ZNF827: variants seen among roughly 807,000 people sequenced by gnomAD.
The protein encoded by ZNF827 is zinc finger protein 827.
A neutral mutation model predicts 102.4 loss-of-function variants in ZNF827; 13 were observed. The observed-to-expected ratio is 0.13, with a 90% CI of 0.08 to 0.20. ZNF827 has a LOEUF of 0.20. Among genes scored for constraint, ZNF827 ranks in the 10% least tolerant of loss-of-function variants. The pLI is 1.00. For synonymous variants in ZNF827, 523 were observed against 536.2 expected (o/e 0.98, Z 0.34); for missense variants, 1,103 against 1,344.4 (o/e 0.82, Z 2.81).
At position 145,763,006 on chromosome 4, in the gene ZNF827, C is replaced by A; in HGVS notation, c.*17+84G>T. 7.5e-7 allele frequency: 1 copy of A among 1,335,946 alleles called. No homozygotes were observed. Among genetic ancestry groups the A allele is most frequent in the South Asian group, 1.3e-5 (1 of 75,568 alleles). 82.8% of individuals were successfully genotyped at this position (1,335,946 alleles called of 1,614,324 possible). ...CGCCGTTAGCCTTTGAACCTCAGCT[C>A]ACAGAAGAGTGCACACGAGAGAAAT... is the stretch of plus-strand genomic sequence containing the variant. On this transcript the variant is annotated intron_variant, in intron 14 of 14. Transcript: ENST00000508784. The surrounding 1 kb of genome is among the most constrained non-coding windows in gnomAD (Gnocchi z 4.6).
rs183597064 is a variant in ZNF827 at position 145,817,218 on chromosome 4, G to A, written c.2383+6204C>T. Reference sequence around the variant, plus strand: ...GTGTCTTTCAAGAACTACTTATGGTGACTTTTCCCTTTCCCAACTTTCACT... The same window carrying A: ...GTGTCTTTCAAGAACTACTTATGGTAACTTTTCCCTTTCCCAACTTTCACT... On this transcript the variant is annotated intron_variant, in intron 8 of 14. Coordinates refer to ENST00000508784, the MANE Select transcript of ZNF827 (RefSeq NM_001306215.2). Among the ~76,000 whole-genome samples the A allele has an allele frequency of 2.6e-5, 4 of 152,284 alleles. No homozygotes were observed. In the East Asian group the frequency reaches 7.7e-4, roughly 29 times the overall value.
chr4:145,847,162 A>T (rs1048363700), intron 6 of ZNF827, among the ~76,000 whole-genome samples: 12 of 132,686 alleles, frequency 9.0e-5, no homozygotes, highest in Admixed American at 4.4e-4. Flanking sequence ...TCAAAAAAAT[A>T]AAAAAAAAAA....
chr4:145,801,267 A>G (rs1271002532), intron 8 of ZNF827, among the ~76,000 whole-genome samples: 1 of 152,196 alleles, frequency 6.6e-6, no homozygotes, highest in Non-Finnish European at 1.5e-5. Flanking sequence ...TAAACTTCCA[A>G]TTCCGTTAGC....
chr4:145,917,986 T>C (rs975090241), intron 1 of ZNF827, among the ~76,000 whole-genome samples: 36 of 152,222 alleles, frequency 2.4e-4, no homozygotes, highest in African/African-American at 8.4e-4. Flanking sequence ...TGAAAATATA[T>C]TGGGCAATTT....
intron 4 of ZNF827, among the ~76,000 whole-genome samples, chr4:145,876,259 A>T (rs1749138526): frequency 6.6e-6 from 1 of 152,206 alleles, no homozygotes; most frequent in Non-Finnish European, 1.5e-5. Flanking sequence ...TGCTGGGAGC[A>T]GTTGGGGGTG....
intron 8 of ZNF827, among the ~76,000 whole-genome samples, chr4:145,790,415 C>A (rs997308288): frequency 6.6e-6 from 1 of 152,126 alleles, no homozygotes; most frequent in African/African-American, 2.4e-5. Context: ...TAGAAATACT[C>A]TGAGTTTAGA....
At chr4:145,785,491 G>T (rs1412887304) in intron 8 of ZNF827, among the ~76,000 whole-genome samples, 1 of 152,084 alleles carries the variant, frequency 6.6e-6, no homozygotes, top group African/African-American at 2.4e-5. Flanking sequence ...TTTTCAGGAG[G>T]ATAAAAATGA....
rs1220981317 is a variant in ZNF827, at chr4:145,902,959, G to T, written c.300C>A (p.His100Gln). ...VLRDSLQCQD[H>Q]LSPGVSSLCD... Reference sequence around the variant, plus strand: ...ACAAAGAAGACACTCCCGGGGAAAGGTGATCTTGACACTGCAGTGAGTCTC... The same window carrying T: ...ACAAAGAAGACACTCCCGGGGAAAGTTGATCTTGACACTGCAGTGAGTCTC... The change falls in exon 2 of 15, where the codon CAC becomes CAA. Residue 100 changes from histidine (H) to glutamine (Q), a missense_variant. Transcript: ENST00000508784. This position sits in a 1 kb window ranked among gnomAD's most constrained non-coding sequence, Gnocchi z 4.3. 6.2e-7 allele frequency: 1 copy of T among 1,614,208 alleles called. No individual in the cohort carries two copies. Among genetic ancestry groups the T allele is most frequent in the Admixed American group, 1.7e-5 (1 of 60,030 alleles).
chr4:145,839,327 A>G (rs1459812313), intron 7 of ZNF827: 1 of 152,272 alleles, frequency 6.6e-6, no homozygotes, highest in Non-Finnish European at 1.5e-5. Context: ...CGGGGGTGCC[A>G]GAGCCAACCG....
At chr4:145,810,851 A>G (rs1741936534) in intron 8 of ZNF827, among the ~76,000 whole-genome samples, 1 of 152,172 alleles carries the variant, frequency 6.6e-6, no homozygotes, top group Admixed American at 6.6e-5. Flanking sequence ...TTTATGCTGC[A>G]AAGTGTATTT....
intron 1 of ZNF827, 41 bp from the exon 2 acceptor site, chr4:145,903,256 A>G: frequency 1.3e-6 from 2 of 1,554,036 alleles, no homozygotes; most frequent in Non-Finnish European, 1.7e-6. Flanking sequence ...CCCAAAGTGA[A>G]CAATAAGTAA....
rs75121735 is a variant in ZNF827 at position 145,765,339 on chromosome 4, C to T, written c.3053-174G>A. Among the ~76,000 whole-genome samples the T allele has an allele frequency of 1.1e-3, 161 of 152,248 alleles. 2 individuals carry two copies. Among genetic ancestry groups the T allele is most frequent in the African/African-American group, 3.6e-3 (148 of 41,542 alleles). On this transcript the variant is annotated intron_variant, in intron 12 of 14. Transcript: ENST00000508784. This position sits in a 1 kb window ranked among gnomAD's most constrained non-coding sequence, Gnocchi z 4.7. The stretch of plus-strand genomic sequence containing the variant: ...TAAAAGGAGTTAAATGTACAAACAT[C>T]GGAATCAATGTCACCCTCCCCATCC...
At chr4:145,896,430 A>T (rs528982744) in intron 2 of ZNF827, among the ~76,000 whole-genome samples, 15 of 152,300 alleles carry the variant, frequency 9.8e-5, no homozygotes, top group Admixed American at 5.9e-4. Context: ...GAAAAGATAG[A>T]AAAGAGTGGA....
intron 2 of ZNF827, among the ~76,000 whole-genome samples, chr4:145,900,319 C>T (rs542222458): frequency 1.3e-5 from 2 of 152,318 alleles, no homozygotes; most frequent in South Asian, 4.1e-4. Flanking sequence ...TCCCAACTAA[C>T]AAATGTCCAG....
intron 4 of ZNF827, among the ~76,000 whole-genome samples, chr4:145,881,748 G>C (rs1427724278): frequency 6.6e-6 from 1 of 152,122 alleles, no homozygotes; most frequent in Non-Finnish European, 1.5e-5. Flanking sequence ...TCTCCTTCAT[G>C]TCAACCTTGA....
chr4:145,813,233 TC>T (rs1403076351), intron 8 of ZNF827, among the ~76,000 whole-genome samples: 2 of 152,130 alleles, frequency 1.3e-5, no homozygotes, highest in African/African-American at 4.8e-5. Flanking sequence ...GTCATTCACC[TC>T]ACTTCATCTC....
intron 8 of ZNF827, among the ~76,000 whole-genome samples, chr4:145,813,060 T>G (rs1742198179): frequency 6.6e-6 from 1 of 152,210 alleles, no homozygotes; most frequent in African/African-American, 2.4e-5. Flanking sequence ...CACCCCTTTG[T>G]CCGGCATTCC....
At chr4:145,829,229 T>G (rs60089162) in intron 7 of ZNF827, among the ~76,000 whole-genome samples, 2,408 of 152,138 alleles carry the variant, frequency 0.016, 60 homozygotes, top group African/African-American at 0.055. Context: ...AAAGATTAAA[T>G]AAAGAAAGAC....
intron 8 of ZNF827, among the ~76,000 whole-genome samples, chr4:145,815,941 G>A (rs1169583950): frequency 6.6e-6 from 1 of 152,250 alleles, no homozygotes; most frequent in South Asian, 2.1e-4. Context: ...ATATAAATTT[G>A]ATAAATTTGC....
Sources: allele counts gnomAD v4.1 joint callset (sites outside exome capture counted in the v4.1 genomes callset), GRCh38; gene constraint gnomAD v4.1.1; non-coding constraint Gnocchi (gnomAD v3.1); transcripts MANE v1.5; gene names NCBI Gene and HGNC (gene_info 2026-07-23, HGNC 2026-07-21).